SLTM: variants seen among roughly 807,000 people sequenced by gnomAD.
SLTM encodes the protein SAFB like transcription modulator.
In SLTM, 43 loss-of-function variants were observed where a neutral mutation model predicts 134.6. The observed-to-expected ratio is 0.32, with a 90% confidence interval of 0.25 to 0.41. The LOEUF (loss-of-function observed/expected upper bound fraction) is 0.41. Ranked by LOEUF, SLTM falls within the 10% of genes least tolerant of loss-of-function variation. The pLI is 1.00. For synonymous variants in SLTM, 424 were observed against 432.3 expected (o/e 0.98, Z 0.24); for missense variants, 1,055 against 1,288.8 (o/e 0.82, Z 2.78).
intron 5 of SLTM, among the ~76,000 whole-genome samples, chr15:58,909,245 T>C (rs2036088278): frequency 6.6e-6 from 1 of 152,180 alleles, no homozygotes; most frequent in Non-Finnish European, 1.5e-5. Context: ...AGGCTCTCAC[T>C]GTATGGAACA....
intron 5 of SLTM, among the ~76,000 whole-genome samples, chr15:58,905,619 C>T (rs113262915): frequency 5.9e-5 from 9 of 151,890 alleles, no homozygotes; most frequent in African/African-American, 1.7e-4. Context: ...ACCTCAGATG[C>T]GAAGAGCACA....
chr15:58,904,797 G>A (rs1473811725), intron 5 of SLTM, among the ~76,000 whole-genome samples: 3 of 151,870 alleles, frequency 2.0e-5, no homozygotes, highest in Non-Finnish European at 4.4e-5. Flanking sequence ...TGAACCCTCC[G>A]ACTCCCTGGT....
In SLTM at chr15:58,879,881, A is replaced by G. The variant is rs1213463937; in HGVS notation, c.*118T>C. Reference sequence around the variant, plus strand: ...AGAAAAGCAATCATGTTAAATTTTTAAAAAGAAAAGTCTGACAGAACTCTC... The same window carrying G: ...AGAAAAGCAATCATGTTAAATTTTTGAAAAGAAAAGTCTGACAGAACTCTC... On this transcript the variant is annotated 3_prime_UTR_variant, in exon 21 of 21. Transcript: ENST00000380516. The G allele has an allele frequency of 8.0e-7, 1 of 1,251,520 alleles. No individual in the cohort carries two copies. Among genetic ancestry groups the G allele is most frequent in the East Asian group, 2.5e-5 (1 of 39,292 alleles). 77.5% of individuals were successfully genotyped at this position (1,251,520 alleles called of 1,614,324 possible). A position where few individuals can be genotyped will look rare whatever the true frequency, so the allele number is the denominator to read the frequency against.
intron 3 of SLTM, among the ~76,000 whole-genome samples, chr15:58,915,728 G>A (rs993420997): frequency 2.6e-5 from 4 of 151,968 alleles, no homozygotes; most frequent in South Asian, 4.2e-4. Context: ...TGTGTGCAGC[G>A]TGGAGAGTGA....
intron 14 of SLTM, among the ~76,000 whole-genome samples, chr15:58,891,028 AGTTCAATT>A (rs2034608136): frequency 6.6e-6 from 1 of 152,234 alleles, no homozygotes; most frequent in Non-Finnish European, 1.5e-5. Context: ...AGTCAGAGGT[AGTTCAATT>A]GTTCACTGAA....
At chr15:58,909,270 G>T (rs2036090266) in intron 5 of SLTM, among the ~76,000 whole-genome samples, 1 of 152,138 alleles carries the variant, frequency 6.6e-6, no homozygotes, top group South Asian at 2.1e-4. Flanking sequence ...AAGCATTAAG[G>T]ATAATAACTG....
At chr15:58,880,387 T>A (rs773123775) in intron 20 of SLTM, among the ~76,000 whole-genome samples, 16 of 152,138 alleles carry the variant, frequency 1.1e-4, no homozygotes, top group Non-Finnish European at 1.8e-4. Flanking sequence ...CAGTTGTGGA[T>A]CTGCACGTGG....
At chr15:58,883,879 C>T in intron 19 of SLTM, 93 bp from the exon 20 acceptor site, 1 of 1,417,606 alleles carries the variant, frequency 7.1e-7, no homozygotes, top group Non-Finnish European at 9.7e-7. Flanking sequence ...AGGCGGATCA[C>T]CTGAGGTCAG....
In SLTM at chr15:58,899,547, T is replaced by A. The variant is rs773260805; in HGVS notation, c.980A>T (p.Lys327Ile). 21 of 1,614,006 alleles carry A rather than the reference T, an allele frequency of 1.3e-5. No homozygotes were observed. The highest frequency in any genetic ancestry group is 1.8e-5 in the Non-Finnish European group (21 of 1,180,002). ...VEKEARESSK[K>I]AESGDKEKDT... ...CTTTTCTTTGTCTCCAGATTCTGCT[T>A]TCTTAGAACTTTCTCTGGCTTCCTT... The change falls in exon 7 of 21, where the codon AAA becomes ATA. Residue 327 changes from lysine to isoleucine, a missense_variant. Physicochemically the swap from Lys to Ile is moderately radical, Grantham distance 102. Coordinates refer to ENST00000380516, the MANE Select transcript of SLTM (RefSeq NM_024755.4). This position sits in a 1 kb window ranked among gnomAD's most constrained non-coding sequence, Gnocchi z 5.0.
chr15:58,895,125 T>A (rs1335633531), intron 9 of SLTM, among the ~76,000 whole-genome samples: 3 of 152,212 alleles, frequency 2.0e-5, no homozygotes, highest in Non-Finnish European at 1.5e-5. Flanking sequence ...CTCAAATATG[T>A]AGCCAAAACA....
At chr15:58,900,059 A>G (rs62004798) in intron 6 of SLTM, 122 bp from the exon 7 acceptor site, 159 of 182,684 alleles carry the variant, frequency 8.7e-4, no homozygotes, top group South Asian at 8.4e-3. Flanking sequence ...GAAGTTAGGG[A>G]AAAAAAAAAA....
chr15:58,893,845 T>C lies in SLTM; in HGVS notation c.1624A>G (p.Lys542Glu). 1 of 1,610,550 alleles carries C rather than the reference T, an allele frequency of 6.2e-7. No individual in the cohort carries two copies. The highest frequency in any genetic ancestry group is 8.5e-7 in the Non-Finnish European group (1 of 1,179,290). ...ASGQTSESIK[K>E]SEEKKRISSK... ...CTTATTCGCTTCTTTTCTTCACTTT[T>C]TTTAATCGATTCTGATGTTTGGCCA... Residue 542 changes from lysine (K) to glutamate (E), a missense_variant, in exon 12 of 21, where the codon AAA becomes GAA. Lys to Glu is a moderately conservative substitution (Grantham distance 56). Transcript: ENST00000380516.
At chr15:58,882,506 C>T (rs770272186) in intron 20 of SLTM, among the ~76,000 whole-genome samples, 2 of 152,114 alleles carry the variant, frequency 1.3e-5, no homozygotes, top group Non-Finnish European at 2.9e-5. Context: ...CCCTAGAAAA[C>T]AGACTCCCTC....
chr15:58,908,002 C>CGTGTGTGTGTGTGTGTGTGTGT (rs140029214), intron 5 of SLTM, among the ~76,000 whole-genome samples: 15 of 139,870 alleles, frequency 1.1e-4, no homozygotes, highest in African/African-American at 4.1e-4. Context: ...AAACATGCTG[C>CGTGTGTGTGTGTGTGTGTGTGT]GTGTGTGTGT....
chr15:58,895,146 A>G (rs2034988585), intron 9 of SLTM, among the ~76,000 whole-genome samples: 1 of 152,232 alleles, frequency 6.6e-6, no homozygotes, highest in Admixed American at 6.5e-5. Flanking sequence ...CAATCTCATC[A>G]ATGAAGTAAT....
At chr15:58,911,254 A>T (rs1271003579) in intron 5 of SLTM, among the ~76,000 whole-genome samples, 2 of 152,208 alleles carry the variant, frequency 1.3e-5, no homozygotes, top group Admixed American at 1.3e-4. Flanking sequence ...TAGCATTTCA[A>T]AGGCAAGAGT....
Position 58,887,088 on chromosome 15 carries a change from C to T in SLTM, c.2722G>A (p.Val908Ile), listed in dbSNP as rs766894712. The T allele has an allele frequency of 2.8e-5, 46 of 1,614,102 alleles. No individual in the cohort carries two copies. The highest frequency in any genetic ancestry group is 3.7e-5 in the Non-Finnish European group (44 of 1,180,022). Residue 908 changes from valine (V) to isoleucine (I), a missense_variant, in exon 19 of 21, where the codon GTA becomes ATA. By Grantham distance (29) the Val-to-Ile change is conservative. Around this residue, in one of 3 missense-constraint regions of SLTM, gnomAD observed 776 missense variants for 962.2 expected, o/e 0.81. Transcript: ENST00000380516. Reference protein sequence around the residue: ...VERPERSGREVSGHSVRGAPP... With the variant: ...VERPERSGREISGHSVRGAPP... ...GCGCCTCTCACACTGTGCCCTGATA[C>T]TTCTCTCCCAGATCGTTCTGGCCTT...
chr15:58,898,859 A>C lies in SLTM; in HGVS notation c.1059-7T>G, dbSNP rs1343434373. On this transcript the variant is annotated splice_region_variant and splice_polypyrimidine_tract_variant and intron_variant, in intron 7 of 20. Coordinates refer to ENST00000380516, the MANE Select transcript of SLTM (RefSeq NM_024755.4). ...TTTAGATTCCTTTGAAGAGCTAAAG[A>C]GGCAAATCACCAGAAGAAAATTGAA... The C allele has an allele frequency of 1.9e-6, 3 of 1,605,172 alleles. No individual in the cohort carries two copies. The highest frequency in any genetic ancestry group is 2.6e-6 in the Non-Finnish European group (3 of 1,176,084).
At chr15:58,921,592 G>C in intron 2 of SLTM, 1 of 443,916 alleles carries the variant, frequency 2.3e-6, no homozygotes, top group Non-Finnish European at 4.5e-6. Flanking sequence ...AATCTTAAAA[G>C]ACATTAGGAC....
Sources: allele counts gnomAD v4.1 joint callset (sites outside exome capture counted in the v4.1 genomes callset), GRCh38; gene constraint gnomAD v4.1.1; regional missense constraint gnomAD v4.1.1; non-coding constraint Gnocchi (gnomAD v3.1); transcripts MANE v1.5; gene names NCBI Gene and HGNC (gene_info 2026-07-23, HGNC 2026-07-21).